Variants in TMTC4 observed in about 807,000 individuals in gnomAD.
TMTC4 encodes the protein transmembrane O-mannosyltransferase targeting cadherins 4.
In TMTC4, 65 loss-of-function variants were observed where a neutral mutation model predicts 86.0. The ratio of observed to expected loss-of-function variants is 0.76; its 90% CI spans 0.62 to 0.93. TMTC4 has a LOEUF of 0.93. Among genes scored for constraint, TMTC4 ranks in the 40% least tolerant of loss-of-function variants. The pLI, the probability that TMTC4 is intolerant of heterozygous loss-of-function variation, is 0.00. For synonymous variants in TMTC4, 379 were observed against 382.5 expected, an observed-to-expected ratio of 0.99 and a Z score of 0.11; for missense variants, 866 against 948.1, an observed-to-expected ratio of 0.91 and a Z score of 1.14.
chr13:100,644,358 C>T (rs1220411768), intron 6 of TMTC4, among the ~76,000 whole-genome samples: 1 of 151,876 alleles, frequency 6.6e-6, no homozygotes, highest in East Asian at 1.9e-4. Flanking sequence ...CTACCTTGGC[C>T]TCCCAAAGTG....
intron 12 of TMTC4, among the ~76,000 whole-genome samples, chr13:100,629,421 G>A (rs1253630170): frequency 6.6e-6 from 1 of 152,048 alleles, no homozygotes; most frequent in Non-Finnish European, 1.5e-5. Context: ...ACGGTGGCTC[G>A]AGGCCGTGGC....
In TMTC4 at chr13:100,604,757, G is replaced by T; in HGVS notation, c.*237C>A. 1 of 379,440 alleles carries T rather than the reference G, an allele frequency of 2.6e-6. No individual in the cohort carries two copies. Among genetic ancestry groups the T allele is most frequent in the Non-Finnish European group, 4.5e-6 (1 of 224,592 alleles). The allele number at this position is 379,440 out of a possible 1,614,324, so 23.5% of individuals were successfully genotyped here. On this transcript the variant is annotated 3_prime_UTR_variant, in exon 19 of 19. Coordinates refer to ENST00000342624, the MANE Select transcript of TMTC4 (RefSeq NM_032813.5). ...TGTTTAATTAAAAAAGACATTTTTG[G>T]AATTTTAGAATTACATTTGAGTTGT...
At chr13:100,673,816 C>T (rs1887454030) in intron 1 of TMTC4, among the ~76,000 whole-genome samples, 1 of 152,194 alleles carries the variant, frequency 6.6e-6, no homozygotes, top group South Asian at 2.1e-4. Flanking sequence ...TTTTACCCCA[C>T]TCCATCTGGG....
At chr13:100,634,666 T>G in intron 12 of TMTC4, 139 bp downstream of exon 12, 1 of 1,081,010 alleles carries the variant, frequency 9.3e-7, no homozygotes, top group South Asian at 2.2e-5. Flanking sequence ...AAAAAAACCA[T>G]ACATAACAAA....
At chr13:100,638,230 G>C in intron 7 of TMTC4, 1 of 499,266 alleles carries the variant, frequency 2.0e-6, no homozygotes, top group Non-Finnish European at 3.5e-6. Context: ...TTATTATTTA[G>C]TAAGCCCCTG....
intron 3 of TMTC4, among the ~76,000 whole-genome samples, chr13:100,666,365 G>A (rs761770268): frequency 2.6e-5 from 4 of 152,148 alleles, no homozygotes; most frequent in Non-Finnish European, 4.4e-5. Flanking sequence ...AAGAAAAAGG[G>A]AGGGCTAGCA....
intron 6 of TMTC4, among the ~76,000 whole-genome samples, chr13:100,650,696 T>C (rs542442599): frequency 1.3e-5 from 2 of 152,214 alleles, no homozygotes; most frequent in Admixed American, 6.5e-5. Context: ...ACGGGTCCAT[T>C]TGGGGGAAAA....
upstream of TMTC4, chr13:100,674,942 T>C: frequency 2.0e-6 from 2 of 985,224 alleles, no homozygotes; most frequent in Non-Finnish European, 2.4e-6. Context: ...CGCCCGACCA[T>C]TGGCTGCTGC....
At chr13:100,643,006 C>T (rs1481265779) in intron 6 of TMTC4, among the ~76,000 whole-genome samples, 1 of 152,178 alleles carries the variant, frequency 6.6e-6, no homozygotes, top group Non-Finnish European at 1.5e-5. Flanking sequence ...CTGTAAGAAG[C>T]TCAGGTGGGT....
intron 15 of TMTC4, among the ~76,000 whole-genome samples, chr13:100,618,192 T>C (rs1253042062): frequency 2.0e-5 from 3 of 152,238 alleles, no homozygotes; most frequent in African/African-American, 4.8e-5. Context: ...CTTTGTATCC[T>C]GAAACTTTAC....
rs1219259842 is a variant in TMTC4 at position 100,637,428 on chromosome 13, T to C, written c.999+110A>G. 9 of 1,367,148 alleles carry C rather than the reference T, an allele frequency of 6.6e-6. No homozygotes were observed. The East Asian group carries it at 1.4e-4, about 21-fold the overall frequency. 84.7% of individuals were successfully genotyped at this position (1,367,148 alleles called of 1,614,324 possible). A position where few individuals can be genotyped will look rare whatever the true frequency, so the allele number is the denominator to read the frequency against. On this transcript the variant is annotated intron_variant, in intron 9 of 18. Transcript: ENST00000342624. ...AGCAAACATGGAGGTGGCGCGTGTATTGGGGATTTTGTTGGCGTGCAGAGG... is the reference window on the plus strand; with the variant it reads ...AGCAAACATGGAGGTGGCGCGTGTACTGGGGATTTTGTTGGCGTGCAGAGG...
At chr13:100,642,173 A>G in intron 7 of TMTC4, 38 bp downstream of exon 7, 2 of 1,607,598 alleles carry the variant, frequency 1.2e-6, no homozygotes, top group Non-Finnish European at 1.7e-6. Flanking sequence ...AAAAGGACAC[A>G]CAGAAAAAGC....
chr13:100,628,583 T>C (rs1318541199), intron 12 of TMTC4, among the ~76,000 whole-genome samples: 4 of 152,132 alleles, frequency 2.6e-5, no homozygotes, highest in Non-Finnish European at 5.9e-5. Flanking sequence ...TTTTATGTTA[T>C]AGGAATTTTA....
At chr13:100,607,030 C>T (rs1876734800) in intron 17 of TMTC4, among the ~76,000 whole-genome samples, 1 of 152,218 alleles carries the variant, frequency 6.6e-6, no homozygotes, top group Admixed American at 6.5e-5. Context: ...GTCATACTCA[C>T]TTCCAACCTG....
intron 6 of TMTC4, among the ~76,000 whole-genome samples, chr13:100,655,470 AC>A (rs1212301102): frequency 6.6e-6 from 1 of 151,902 alleles, no homozygotes; most frequent in African/African-American, 2.4e-5. Flanking sequence ...TAGTGAAGGG[AC>A]CCCTCCCTCC....
At chr13:100,674,437 G>A in intron 1 of TMTC4, 1 of 903,676 alleles carries the variant, frequency 1.1e-6, no homozygotes. Context: ...GCAGGCAGGG[G>A]CTGGGGGCGG....
rs1217847116 is a variant in TMTC4 at position 100,664,244 on chromosome 13, C to T, written c.312G>A (p.Arg104=). The part of the protein sequence containing the change: ...LSSNTSHKSY[R]PLTVLTFRIN... ...ACCTGAAAGTCAGGACGGTGAGAGGCCGGTAGGACTTGTGGCTGGTGTTGC... is the reference window on the plus strand; with the variant it reads ...ACCTGAAAGTCAGGACGGTGAGAGGTCGGTAGGACTTGTGGCTGGTGTTGC... Residue 104 remains arginine, a synonymous_variant, in exon 4 of 19, where the codon CGG becomes CGA. Transcript: ENST00000342624. 2 of 1,611,884 alleles carry T rather than the reference C, an allele frequency of 1.2e-6. No individual in the cohort carries two copies. Among genetic ancestry groups the T allele is most frequent in the Admixed American group, 3.3e-5 (2 of 59,830 alleles).
intron 17 of TMTC4, among the ~76,000 whole-genome samples, chr13:100,611,850 G>A (rs944758225): frequency 6.6e-6 from 1 of 152,170 alleles, no homozygotes; most frequent in Non-Finnish European, 1.5e-5. Context: ...AGAAAACTCT[G>A]GGCCTTGCTG....
chr13:100,667,296 T>C (rs1251266097), intron 3 of TMTC4, among the ~76,000 whole-genome samples: 1 of 151,958 alleles, frequency 6.6e-6, no homozygotes, highest in Non-Finnish European at 1.5e-5. Context: ...TAGCCAGGCA[T>C]GTGATGCCTG....
Sources: allele counts gnomAD v4.1 joint callset (sites outside exome capture counted in the v4.1 genomes callset), GRCh38; gene constraint gnomAD v4.1.1; transcripts MANE v1.5; gene names NCBI Gene and HGNC (gene_info 2026-07-23, HGNC 2026-07-21).